TMEM132C: variants seen among roughly 807,000 people sequenced by gnomAD.
TMEM132C encodes the protein protein phosphatase 1, regulatory subunit 152.
Under a neutral mutation model 61.4 loss-of-function variants are expected in TMEM132C, and 29 were observed. That is an observed-to-expected ratio of 0.47 (90% CI 0.35 to 0.64). The LOEUF (loss-of-function observed/expected upper bound fraction) is 0.64. Among genes scored for constraint, TMEM132C ranks in the 30% least tolerant of loss-of-function variants. The pLI, the probability that TMEM132C is intolerant of heterozygous loss-of-function variation, is 0.00. For missense variants in TMEM132C, 1,408 were observed against 1,476.9 expected (o/e 0.95, Z 0.76); for synonymous variants, 656 against 633.1 (o/e 1.04, Z -0.54).
intron 5 of TMEM132C, among the ~76,000 whole-genome samples, chr12:128,682,282 TC>T (rs1229335041): frequency 6.6e-6 from 1 of 152,124 alleles, no homozygotes; most frequent in Non-Finnish European, 1.5e-5. Flanking sequence ...TGGGGGCTCC[TC>T]TCCTCCACCC....
intron 4 of TMEM132C, among the ~76,000 whole-genome samples, chr12:128,668,384 G>A (rs913126277): frequency 1.9e-4 from 29 of 152,280 alleles, no homozygotes; most frequent in African/African-American, 5.8e-4. Flanking sequence ...CCATGCTATA[G>A]GCATTTCAGG....
chr12:128,385,709 TAA>T (rs1259045199), intron 1 of TMEM132C, among the ~76,000 whole-genome samples: 1 of 152,172 alleles, frequency 6.6e-6, no homozygotes, highest in African/African-American at 2.4e-5. Flanking sequence ...GTTAAAAAGT[TAA>T]AGAGGAAATG....
intron 2 of TMEM132C, among the ~76,000 whole-genome samples, chr12:128,495,955 T>C (rs1429134458): frequency 6.6e-6 from 1 of 152,234 alleles, no homozygotes; most frequent in East Asian, 1.9e-4. Context: ...TGGCATGTTT[T>C]TGCAGTGGCT....
chr12:128,415,684 G>A lies in TMEM132C; in HGVS notation c.974+64G>A, dbSNP rs553238825. 33 of 1,436,454 alleles carry A rather than the reference G, an allele frequency of 2.3e-5. No homozygotes were observed. The highest frequency in any genetic ancestry group is 5.9e-5 in the South Asian group (4 of 67,322). 89.0% of individuals were successfully genotyped at this position (1,436,454 alleles called of 1,614,324 possible). A position where few individuals can be genotyped will look rare whatever the true frequency, so the allele number is the denominator to read the frequency against. On this transcript the variant is annotated intron_variant, in intron 2 of 8. Coordinates refer to ENST00000435159, the MANE Select transcript of TMEM132C (RefSeq NM_001136103.3). This position sits in a 1 kb window ranked among gnomAD's most constrained non-coding sequence, Gnocchi z 5.8. ...CCTGGTGTGAGACTGGGTTCCATGC[G>A]TGGCAGATAGATATTCAGGAAGCAT...
rs938422137 is a variant in TMEM132C, at chr12:128,278,443, T to G, written c.85+10956T>G. Among the ~76,000 whole-genome samples the G allele has an allele frequency of 3.9e-5, 6 of 152,222 alleles. No homozygotes were observed. The highest frequency in any genetic ancestry group is 1.4e-4 in the African/African-American group (6 of 41,460). On this transcript the variant is annotated intron_variant, in intron 1 of 8. Coordinates refer to ENST00000435159, the MANE Select transcript of TMEM132C (RefSeq NM_001136103.3). The surrounding 1 kb of genome is among the most constrained non-coding windows in gnomAD (Gnocchi z 4.2). ...TATTAACTAAATGACGTTTCCTAGC[T>G]GGGATCTCTCACTGCCTTCTCCTGG...
At chr12:128,532,156 G>A (rs1873335737) in intron 2 of TMEM132C, among the ~76,000 whole-genome samples, 1 of 152,184 alleles carries the variant, frequency 6.6e-6, no homozygotes, top group South Asian at 2.1e-4. Flanking sequence ...GTTCTTTTAT[G>A]AGATTCATGA....
intron 1 of TMEM132C, among the ~76,000 whole-genome samples, chr12:128,307,425 T>TG (rs1389088952): frequency 8.3e-6 from 1 of 120,282 alleles, no homozygotes; most frequent in African/African-American, 2.9e-5. Flanking sequence ...TCTCCAGATT[T>TG]GAAAAAAAAA....
chr12:128,576,308 G>T, intron 3 of TMEM132C, among the ~76,000 whole-genome samples: 1 of 152,120 alleles, frequency 6.6e-6, no homozygotes, highest in East Asian at 1.9e-4. Context: ...CCCAGTATCT[G>T]TGAGGGTAGA....
intron 2 of TMEM132C, among the ~76,000 whole-genome samples, chr12:128,468,466 C>T (rs1870818649): frequency 6.6e-6 from 1 of 152,104 alleles, no homozygotes; most frequent in African/African-American, 2.4e-5. Flanking sequence ...TATAGGCATG[C>T]ACCACCACGC....
At chr12:128,463,862 A>G (rs1318440313) in intron 2 of TMEM132C, among the ~76,000 whole-genome samples, 1 of 152,092 alleles carries the variant, frequency 6.6e-6, no homozygotes, top group African/African-American at 2.4e-5. Flanking sequence ...GCAAACTCCA[A>G]GATGTGAGTT....
intron 4 of TMEM132C, among the ~76,000 whole-genome samples, chr12:128,656,191 C>T (rs1286714040): frequency 1.3e-5 from 2 of 152,204 alleles, no homozygotes; most frequent in African/African-American, 4.8e-5. Context: ...GCTGGGATTA[C>T]AGGCGTGTGC....
chr12:128,328,077 G>GGA (rs1872578747), intron 1 of TMEM132C, among the ~76,000 whole-genome samples: 1 of 152,102 alleles, frequency 6.6e-6, no homozygotes, highest in African/African-American at 2.4e-5. Flanking sequence ...CCCTAGCCAA[G>GGA]GAGAAAGCCC....
chr12:128,673,790 A>T (rs958367767), intron 5 of TMEM132C, among the ~76,000 whole-genome samples: 1 of 152,234 alleles, frequency 6.6e-6, no homozygotes, highest in African/African-American at 2.4e-5. Context: ...GGATAAGCAT[A>T]GTTCCTAATT....
At chr12:128,658,313 G>T (rs1954349260) in intron 4 of TMEM132C, among the ~76,000 whole-genome samples, 1 of 152,212 alleles carries the variant, frequency 6.6e-6, no homozygotes, top group African/African-American at 2.4e-5. Context: ...CCCTCTGAAT[G>T]CTGAGAGCTG....
chr12:128,702,509 T>A (rs932274326), intron 8 of TMEM132C, among the ~76,000 whole-genome samples: 10 of 152,246 alleles, frequency 6.6e-5, no homozygotes, highest in Admixed American at 5.9e-4. Context: ...CCTTCCTGTG[T>A]AAATGTTTAA....
intron 1 of TMEM132C, among the ~76,000 whole-genome samples, chr12:128,323,862 C>T (rs1338665247): frequency 6.6e-6 from 1 of 151,434 alleles, no homozygotes; most frequent in Non-Finnish European, 1.5e-5. Flanking sequence ...GAGGCGGCAT[C>T]GATTAAGAGA....
chr12:128,347,427 C>CTCTCTCTCTCTCTA, intron 1 of TMEM132C, among the ~76,000 whole-genome samples: 1 of 147,264 alleles, frequency 6.8e-6, no homozygotes, highest in Non-Finnish European at 1.5e-5. Flanking sequence ...CTCTCTCTCT[C>CTCTCTCTCTCTCTA]TCTCTCTCTC....
intron 2 of TMEM132C, among the ~76,000 whole-genome samples, chr12:128,456,239 C>T (rs771090029): frequency 7.2e-5 from 11 of 151,950 alleles, no homozygotes; most frequent in African/African-American, 2.4e-4. Flanking sequence ...ATCTGAGACC[C>T]GATGCAGTCT....
chr12:128,314,727 A>G (rs12423072), intron 1 of TMEM132C, among the ~76,000 whole-genome samples: 47,745 of 152,038 alleles, frequency 0.31, 8,076 homozygotes, highest in East Asian at 0.47. Context: ...GGCGGCCACC[A>G]GAAGCTGGGA....
Sources: gnomAD v4.1 joint callset for allele counts (sites outside exome capture counted in the v4.1 genomes callset) on GRCh38, gnomAD v4.1.1 for gene constraint, Gnocchi (gnomAD v3.1) non-coding constraint, MANE v1.5 for transcripts, NCBI Gene and HGNC (gene_info 2026-07-23, HGNC 2026-07-21) for gene names.